IKBKB: variants seen among roughly 807,000 people sequenced by gnomAD.
The protein encoded by IKBKB is inhibitor of nuclear factor kappa B kinase subunit beta, also known as inhibitor of nuclear factor kappa-B kinase subunit beta.
IKBKB carries 42 observed loss-of-function variants against 113.6 expected under a neutral mutation model. The ratio of observed to expected loss-of-function variants is 0.37; its 90% CI spans 0.29 to 0.48. The LOEUF (loss-of-function observed/expected upper bound fraction) is 0.48. Among genes scored for constraint, IKBKB ranks in the 20% least tolerant of loss-of-function variants. IKBKB has a pLI of 0.99. For synonymous variants in IKBKB, 296 were observed against 361.3 expected, an observed-to-expected ratio of 0.82 and a Z score of 2.05; for missense variants, 673 against 939.7, an observed-to-expected ratio of 0.72 and a Z score of 3.71.
At chr8:42,296,805 G>A (rs1344140207) in intron 5 of IKBKB, among the ~76,000 whole-genome samples, 1 of 152,102 alleles carries the variant, frequency 6.6e-6, no homozygotes, top group Non-Finnish European at 1.5e-5. Flanking sequence ...GTGACCGTGG[G>A]CACGTTACTT....
intron 4 of IKBKB, among the ~76,000 whole-genome samples, chr8:42,290,529 A>G (rs535165422): frequency 2.0e-5 from 3 of 152,208 alleles, no homozygotes; most frequent in South Asian, 4.1e-4. Context: ...GATTACTCCA[A>G]TGACAAGGAA....
chr8:42,281,580 C>T (rs1294074322), intron 2 of IKBKB, among the ~76,000 whole-genome samples: 1 of 152,164 alleles, frequency 6.6e-6, no homozygotes, highest in Non-Finnish European at 1.5e-5. Context: ...TCATGGCCCT[C>T]TTAGCGTAGA....
chr8:42,279,427 A>G (rs1350764741), intron 2 of IKBKB, among the ~76,000 whole-genome samples: 3 of 152,228 alleles, frequency 2.0e-5, no homozygotes, highest in African/African-American at 7.2e-5. Context: ...AGTTATCACA[A>G]TAGAAGTTAC....
At chr8:42,275,732 GTGC>G (rs1252171473) in intron 2 of IKBKB, among the ~76,000 whole-genome samples, 1 of 152,200 alleles carries the variant, frequency 6.6e-6, no homozygotes, top group African/African-American at 2.4e-5. Context: ...ATTGTGAATA[GTGC>G]TGCAGTAAAC....
intron 9 of IKBKB, among the ~76,000 whole-genome samples, chr8:42,315,130 C>CT (rs1466450175): frequency 6.6e-6 from 1 of 152,162 alleles, no homozygotes; most frequent in African/African-American, 2.4e-5. Flanking sequence ...ACAAATAAAT[C>CT]TTTGTCATTT....
chr8:42,295,709 A>G (rs576894819), intron 5 of IKBKB, among the ~76,000 whole-genome samples: 9 of 151,944 alleles, frequency 5.9e-5, no homozygotes, highest in Admixed American at 1.3e-4. Flanking sequence ...CTGGTGACAG[A>G]GTGAGACTCC....
chr8:42,271,820 C>T, intron 1 of IKBKB: 1 of 544,906 alleles, frequency 1.8e-6, no homozygotes, highest in Non-Finnish European at 3.2e-6. Context: ...CTCGCTAGGG[C>T]AAGGGCGTGG....
intron 11 of IKBKB, chr8:42,317,331 C>T (rs1818889175): frequency 4.7e-6 from 2 of 429,616 alleles, no homozygotes; most frequent in African/African-American, 2.0e-5. Context: ...GACATGACCT[C>T]TGCTCAAAAA....
chr8:42,323,555 C>A (rs1820168205), intron 19 of IKBKB, among the ~76,000 whole-genome samples: 1 of 152,088 alleles, frequency 6.6e-6, no homozygotes, highest in African/African-American at 2.4e-5. Flanking sequence ...TGTCAGTTTC[C>A]CTTAAGAGCA....
At chr8:42,299,418 G>A (rs1053849893) in intron 5 of IKBKB, among the ~76,000 whole-genome samples, 1 of 151,994 alleles carries the variant, frequency 6.6e-6, no homozygotes, top group South Asian at 2.1e-4. Flanking sequence ...CAGCCCCTTC[G>A]CCGTACCTTT....
chr8:42,274,398 C>T (rs1808477950), intron 2 of IKBKB, among the ~76,000 whole-genome samples: 13 of 152,056 alleles, frequency 8.5e-5, no homozygotes. Flanking sequence ...TAACTTATTC[C>T]ACCTAACCGT....
intron 8 of IKBKB, among the ~76,000 whole-genome samples, chr8:42,311,253 G>T (rs1407979202): frequency 6.6e-6 from 1 of 152,170 alleles, no homozygotes; most frequent in Non-Finnish European, 1.5e-5. Context: ...TCTACATCTT[G>T]AGAGTATTTG....
At chr8:42,292,635 T>C (rs1257234940) in intron 4 of IKBKB, among the ~76,000 whole-genome samples, 1 of 152,232 alleles carries the variant, frequency 6.6e-6, no homozygotes, top group Non-Finnish European at 1.5e-5. Flanking sequence ...TTTATGAATA[T>C]GACGTGAATT....
intron 15 of IKBKB, chr8:42,319,870 G>C (rs1235424143): frequency 4.1e-6 from 2 of 482,266 alleles, no homozygotes; most frequent in East Asian, 6.6e-5. Context: ...GACAGAGATG[G>C]TCCAGGTTTA....
chr8:42,293,354 T>C, intron 4 of IKBKB, 89 bp from the exon 5 acceptor site: 1 of 1,538,004 alleles, frequency 6.5e-7, no homozygotes, highest in Non-Finnish European at 8.9e-7. Context: ...GGGTCAGCAC[T>C]CTGGTCACAT....
chr8:42,298,950 C>T (rs1180831973), intron 5 of IKBKB, among the ~76,000 whole-genome samples: 1 of 152,190 alleles, frequency 6.6e-6, no homozygotes, highest in African/African-American at 2.4e-5. Flanking sequence ...CCTGCCCCTG[C>T]GCTGGCTGCC....
chr8:42,277,763 T>C (rs943555083), intron 2 of IKBKB, among the ~76,000 whole-genome samples: 8 of 152,342 alleles, frequency 5.3e-5, no homozygotes, highest in Admixed American at 6.5e-5. Context: ...CCGCCCTTCC[T>C]GTCTGCGTGT....
chr8:42,278,132 C>T (rs1275711375), intron 2 of IKBKB, among the ~76,000 whole-genome samples: 2 of 152,116 alleles, frequency 1.3e-5, no homozygotes, highest in African/African-American at 4.8e-5. Context: ...AACTGAGGCC[C>T]TAGTAGAAGT....
chr8:42,309,416 T>C, intron 8 of IKBKB: 6 of 365,162 alleles, frequency 1.6e-5, no homozygotes, highest in South Asian at 1.3e-4. Context: ...AAATTTGTTG[T>C]TGACAAATGT....
Sources: allele counts gnomAD v4.1 joint callset (sites outside exome capture counted in the v4.1 genomes callset), GRCh38; gene constraint gnomAD v4.1.1; transcripts MANE v1.5; gene names NCBI Gene and HGNC (gene_info 2026-07-23, HGNC 2026-07-21).